The following ELMO1 variants were observed in gnomAD, a reference collection of about 807,000 sequenced individuals.
The protein encoded by ELMO1 is engulfment and cell motility protein 1.
In ELMO1, 26 loss-of-function variants were observed where a neutral mutation model predicts 98.9. The ratio of observed to expected loss-of-function variants is 0.26; its 90% CI spans 0.19 to 0.36. The LOEUF is 0.36. Ranked by LOEUF, ELMO1 falls within the 10% of genes least tolerant of loss-of-function variation. The pLI, the probability that ELMO1 is intolerant of heterozygous loss-of-function variation, is 1.00. For synonymous variants in ELMO1, 346 were observed against 346.0 expected (o/e 1.00, Z 0.00); for missense variants, 627 against 935.2 (o/e 0.67, Z 4.30).
chr7:37,208,586 G>T (rs543298016), intron 13 of ELMO1, among the ~76,000 whole-genome samples: 1 of 152,198 alleles, frequency 6.6e-6, no homozygotes, highest in Non-Finnish European at 1.5e-5. Flanking sequence ...ACTGCTTACA[G>T]CATCTAGAGA....
At chr7:37,109,834 A>C in intron 14 of ELMO1, among the ~76,000 whole-genome samples, 1 of 152,216 alleles carries the variant, frequency 6.6e-6, no homozygotes, top group East Asian at 1.9e-4. Context: ...AAAAGTAAAA[A>C]GTGGAAAGCA....
Position 37,155,487 on chromosome 7 carries a change from C to CAAAAAAA in ELMO1, c.1087-22260_1087-22254dup, listed in dbSNP as rs781745325. ...GATGGAGGAAGAAGCAAACGGAAAG[C>CAAAAAAA]AAAAAAAAAAAAAAAAAAAAAGCAG... On this transcript the variant is annotated intron_variant, in intron 13 of 21. Coordinates refer to ENST00000310758, the MANE Select transcript of ELMO1 (RefSeq NM_014800.11). Among the ~76,000 whole-genome samples, 42 of 49,650 alleles carry CAAAAAAA rather than the reference C, an allele frequency of 8.5e-4. 2 individuals carry two copies. The highest frequency in any genetic ancestry group is 1.1e-3 in the Non-Finnish European group (27 of 24,380). The allele number at this position is 49,650 out of a possible 152,430, so 32.6% of individuals were successfully genotyped here.
chr7:36,952,593 T>A (rs1452687459), intron 16 of ELMO1, among the ~76,000 whole-genome samples: 1 of 152,140 alleles, frequency 6.6e-6, no homozygotes, highest in Non-Finnish European at 1.5e-5. Context: ...AGGGACGGGA[T>A]ACATTCAAGT....
intron 12 of ELMO1, among the ~76,000 whole-genome samples, chr7:37,212,107 T>A (rs1365507428): frequency 6.6e-6 from 1 of 152,216 alleles, no homozygotes; most frequent in East Asian, 1.9e-4. Context: ...GATATTATGC[T>A]GAGTGAAATA....
chr7:37,341,775 T>A (rs1800735587), intron 2 of ELMO1, among the ~76,000 whole-genome samples: 1 of 152,210 alleles, frequency 6.6e-6, no homozygotes, highest in African/African-American at 2.4e-5. Flanking sequence ...CCATGGTTAT[T>A]GTAATTTTGA....
chr7:37,281,015 A>G (rs1377216754), intron 4 of ELMO1, among the ~76,000 whole-genome samples: 2 of 121,844 alleles, frequency 1.6e-5, no homozygotes, highest in East Asian at 4.1e-4. Flanking sequence ...ATATATAAAT[A>G]TATATATATA....
chr7:37,242,385 T>C (rs924078411), intron 7 of ELMO1, among the ~76,000 whole-genome samples: 1 of 152,202 alleles, frequency 6.6e-6, no homozygotes, highest in African/African-American at 2.4e-5. Context: ...AACATATTTA[T>C]AAAAGTTTTT....
rs890090323 is a variant in ELMO1 at position 37,342,768 on chromosome 7, T to C, written c.-73-5A>G. Reference sequence around the variant, plus strand: ...AACGGCCACACGTGTCTATACCTAATGAGGAATGACAGAAAAAGAAAGAGA... The same window carrying C: ...AACGGCCACACGTGTCTATACCTAACGAGGAATGACAGAAAAAGAAAGAGA... On this transcript the variant is annotated splice_polypyrimidine_tract_variant and splice_region_variant and intron_variant, in intron 1 of 21. Transcript: ENST00000310758. This position sits in a 1 kb window ranked among gnomAD's most constrained non-coding sequence, Gnocchi z 4.3. The C allele has an allele frequency of 7.8e-7, 1 of 1,274,798 alleles. No individual in the cohort carries two copies. The highest frequency in any genetic ancestry group is 1.1e-6 in the Non-Finnish European group (1 of 914,606). The allele number at this position is 1,274,798 out of a possible 1,614,324, so 79.0% of individuals were successfully genotyped here. A position where few individuals can be genotyped will look rare whatever the true frequency, so the allele number is the denominator to read the frequency against.
At chr7:37,201,983 T>C (rs1464716067) in intron 13 of ELMO1, among the ~76,000 whole-genome samples, 1 of 152,166 alleles carries the variant, frequency 6.6e-6, no homozygotes, top group Admixed American at 6.5e-5. Context: ...CCATCCCAGG[T>C]AATCCCTTTA....
intron 1 of ELMO1, chr7:37,435,040 T>C (rs1156806479): frequency 6.6e-6 from 1 of 152,244 alleles, no homozygotes; most frequent in Non-Finnish European, 1.5e-5. Flanking sequence ...CCATTGTTTA[T>C]GGATCACCTA....
At chr7:37,355,996 G>A (rs1801479432) in intron 1 of ELMO1, among the ~76,000 whole-genome samples, 1 of 152,132 alleles carries the variant, frequency 6.6e-6, no homozygotes, top group Non-Finnish European at 1.5e-5. Context: ...TAGTGTTAGG[G>A]CTTAGAAAAC....
rs537388417 is a variant in ELMO1 at position 37,092,366 on chromosome 7, C to CTTTTTTTTTTTTTTTT, written c.1300+4237_1300+4252dup. On this transcript the variant is annotated intron_variant, in intron 15 of 21. Coordinates refer to ENST00000310758, the MANE Select transcript of ELMO1 (RefSeq NM_014800.11). The stretch of plus-strand genomic sequence containing the variant: ...ACTTGCAAAAAAAATTACCCATATT[C>CTTTTTTTTTTTTTTTT]TTTTTTTTTTTTTTTTTTTTTTTTT... Among the ~76,000 whole-genome samples, 78 of 68,918 alleles carry CTTTTTTTTTTTTTTTT rather than the reference C, an allele frequency of 1.1e-3. 2 individuals are homozygous for CTTTTTTTTTTTTTTTT. Among genetic ancestry groups the CTTTTTTTTTTTTTTTT allele is most frequent in the African/African-American group, 1.8e-3 (39 of 21,972 alleles). 45.2% of individuals were successfully genotyped at this position (68,918 alleles called of 152,430 possible).
chr7:37,263,852 T>G (rs565730345), intron 5 of ELMO1, among the ~76,000 whole-genome samples: 1 of 152,274 alleles, frequency 6.6e-6, no homozygotes, highest in East Asian at 1.9e-4. Context: ...TTCATGAGCA[T>G]GCAGAGCTGA....
chr7:37,132,495 T>C (rs1214638906), intron 14 of ELMO1, among the ~76,000 whole-genome samples: 1 of 152,158 alleles, frequency 6.6e-6, no homozygotes, highest in Non-Finnish European at 1.5e-5. Flanking sequence ...GCAGCCCTGA[T>C]AGATGAGAGC....
intron 16 of ELMO1, among the ~76,000 whole-genome samples, chr7:36,977,326 G>C (rs1385157735): frequency 6.6e-6 from 1 of 152,240 alleles, no homozygotes; most frequent in Non-Finnish European, 1.5e-5. Context: ...AGAGAGTACA[G>C]CTCTTAAAAC....
At chr7:37,201,843 G>C (rs1048970265) in intron 13 of ELMO1, among the ~76,000 whole-genome samples, 1 of 152,232 alleles carries the variant, frequency 6.6e-6, no homozygotes, top group Non-Finnish European at 1.5e-5. Flanking sequence ...GAAGTTATTA[G>C]AACTGAGGTC....
intron 16 of ELMO1, among the ~76,000 whole-genome samples, chr7:36,909,584 G>C (rs906203953): frequency 5.9e-5 from 9 of 152,162 alleles, no homozygotes; most frequent in Non-Finnish European, 1.0e-4. Flanking sequence ...TTCTTTTTTC[G>C]TGTGTGTGGG....
chr7:36,953,415 C>T (rs1158902081), intron 16 of ELMO1, among the ~76,000 whole-genome samples: 6 of 152,068 alleles, frequency 3.9e-5, no homozygotes, highest in East Asian at 1.9e-4. Flanking sequence ...GTGTTTATTA[C>T]GCAAGTATGT....
At chr7:37,123,290 C>G (rs530425504) in intron 14 of ELMO1, among the ~76,000 whole-genome samples, 16 of 152,010 alleles carry the variant, frequency 1.1e-4, no homozygotes, top group Middle Eastern at 6.8e-3. Flanking sequence ...AAGATCAGAG[C>G]AGAACTGAAG....
Sources: allele counts gnomAD v4.1 joint callset (sites outside exome capture counted in the v4.1 genomes callset), GRCh38; gene constraint gnomAD v4.1.1; non-coding constraint Gnocchi (gnomAD v3.1); transcripts MANE v1.5; gene names NCBI Gene and HGNC (gene_info 2026-07-23, HGNC 2026-07-21).